The following PASK variants were observed in gnomAD, a reference collection of about 807,000 sequenced individuals.
PASK encodes the protein PAS domain-containing serine/threonine-protein kinase.
A neutral mutation model predicts 121.0 loss-of-function variants in PASK; 110 were observed. The observed-to-expected ratio is 0.91, with a 90% CI of 0.78 to 1.06. The LOEUF is 1.06. Among genes scored for constraint, PASK ranks in the 50% least tolerant of loss-of-function variants. PASK has a pLI of 0.00. For synonymous variants in PASK, 686 were observed against 717.8 expected (o/e 0.96, Z 0.71); for missense variants, 1,643 against 1,702.3 (o/e 0.97, Z 0.61).
rs756002399 is a variant in PASK at position 241,106,735 on chromosome 2, A to G, written c.3815-12T>C. ...CAGAACTCCACTTTCTGAAGAAACA[A>G]GAAGGTAACTGTATCACGTGCTAAC... is the stretch of plus-strand genomic sequence containing the variant. On this transcript the variant is annotated splice_polypyrimidine_tract_variant and intron_variant, in intron 17 of 17. Transcript: ENST00000234040. 6 of 1,613,710 alleles carry G rather than the reference A, an allele frequency of 3.7e-6. No individual in the cohort carries two copies. The highest frequency in any genetic ancestry group is 4.5e-5 in the East Asian group (2 of 44,894).
intron 2 of PASK, chr2:241,140,972 A>C (rs575098404): frequency 4.4e-5 from 26 of 593,974 alleles, no homozygotes; most frequent in Admixed American, 3.4e-4. Flanking sequence ...CACAAACAGC[A>C]TAAGATCAAC....
chr2:241,110,750 C>G (rs1559354666), intron 15 of PASK, among the ~76,000 whole-genome samples: 1 of 152,180 alleles, frequency 6.6e-6, no homozygotes, highest in Non-Finnish European at 1.5e-5. Flanking sequence ...GCAGTTCCCT[C>G]CAGCACGGAG....
intron 1 of PASK, among the ~76,000 whole-genome samples, chr2:241,144,970 G>A (rs1032569088): frequency 2.6e-5 from 4 of 152,126 alleles, no homozygotes; most frequent in African/African-American, 9.7e-5. Flanking sequence ...GTGGAGTGCA[G>A]TGGCGCGACT....
intron 16 of PASK, among the ~76,000 whole-genome samples, 200 bp from the exon 17 acceptor site, chr2:241,107,699 T>C (rs1332001794): frequency 1.3e-5 from 2 of 152,006 alleles, no homozygotes; most frequent in African/African-American, 4.8e-5. Context: ...AAGCTTGGAG[T>C]TCAAGATGCC....
intron 9 of PASK, among the ~76,000 whole-genome samples, chr2:241,132,254 G>A (rs1407765492): frequency 1.3e-5 from 2 of 151,890 alleles, no homozygotes; most frequent in African/African-American, 2.4e-5. Context: ...ATATGACTTT[G>A]AAAATGATAA....
intron 9 of PASK, among the ~76,000 whole-genome samples, chr2:241,132,554 A>AAG (rs2066212077): frequency 6.8e-6 from 1 of 146,228 alleles, no homozygotes; most frequent in Non-Finnish European, 1.5e-5. Flanking sequence ...AAAAAAAAAA[A>AAG]GAAAATGATA....
chr2:241,108,602 T>G lies in PASK; in HGVS notation c.3534-302A>C. The G allele has an allele frequency of 2.2e-6, 1 of 453,358 alleles. No homozygotes were observed. Among genetic ancestry groups the G allele is most frequent in the Non-Finnish European group, 4.1e-6 (1 of 243,788 alleles). 28.1% of individuals were successfully genotyped at this position (453,358 alleles called of 1,614,324 possible). On this transcript the variant is annotated intron_variant, in intron 15 of 17. Coordinates refer to ENST00000234040, the MANE Select transcript of PASK (RefSeq NM_015148.4). The surrounding 1 kb of genome is among the most constrained non-coding windows in gnomAD (Gnocchi z 5.2). ...CCAGAGGGGGGAGCGGGGGGAGGGC[T>G]TCCTGGAGGAAGCAGAGTACACGTC...
chr2:241,120,264 G>A (rs188518311), intron 12 of PASK, among the ~76,000 whole-genome samples: 46 of 152,212 alleles, frequency 3.0e-4, no homozygotes, highest in Middle Eastern at 6.8e-3. Context: ...AGGCTAAGGC[G>A]GGTAGATAAC....
rs2125448568 is a variant in PASK at position 241,138,101 on chromosome 2, C to CCCG, written c.742-17_742-15dup. The CCCG allele has an allele frequency of 1.2e-6, 2 of 1,613,712 alleles. No individual in the cohort carries two copies. Among genetic ancestry groups the CCCG allele is most frequent in the Non-Finnish European group, 1.7e-6 (2 of 1,179,778 alleles). On this transcript the variant is annotated splice_polypyrimidine_tract_variant and intron_variant, in intron 5 of 17. Coordinates refer to ENST00000234040, the MANE Select transcript of PASK (RefSeq NM_015148.4). The stretch of plus-strand genomic sequence containing the variant: ...CGTGACGGTGCCCTGGAGGAAAAGC[C>CCCG]CCGTGCTTATCATAAAAGCTTCTTG...
rs761471257 is a variant in PASK at position 241,140,514 on chromosome 2, C to A, written c.429+7G>T. 1 of 1,583,512 alleles carries A rather than the reference C, an allele frequency of 6.3e-7. No individual in the cohort carries two copies. Among genetic ancestry groups the A allele is most frequent in the Non-Finnish European group, 8.7e-7 (1 of 1,154,256 alleles). On this transcript the variant is annotated splice_region_variant and intron_variant, in intron 3 of 17. Coordinates refer to ENST00000234040, the MANE Select transcript of PASK (RefSeq NM_015148.4). Reference sequence around the variant, plus strand: ...TACACAGCTGGATCTAAAAGAGAAGCAAATACCTCTGTGGTCTTGGCATCC... The same window carrying A: ...TACACAGCTGGATCTAAAAGAGAAGAAAATACCTCTGTGGTCTTGGCATCC...
chr2:241,121,209 T>C (rs2065593057), intron 12 of PASK, among the ~76,000 whole-genome samples: 1 of 152,234 alleles, frequency 6.6e-6, no homozygotes, highest in Non-Finnish European at 1.5e-5. Flanking sequence ...TGCGACTGAC[T>C]ACTGATGGGT....
At chr2:241,139,591 CA>C (rs2066605779) in intron 4 of PASK, 1 of 647,716 alleles carries the variant, frequency 1.5e-6, no homozygotes, top group Non-Finnish European at 2.9e-6. Context: ...GACTGCAAAA[CA>C]TTAGTGAAGC....
In PASK at chr2:241,129,712, G is replaced by GC. The variant is rs527540789; in HGVS notation, c.1464-2262dup. Among the ~76,000 whole-genome samples the GC allele has an allele frequency of 7.2e-5, 11 of 152,344 alleles. 1 individual carries two copies. In the South Asian group the frequency reaches 8.3e-4, roughly 11 times the overall value. On this transcript the variant is annotated intron_variant, in intron 9 of 17. Transcript: ENST00000234040. ...AGGACATCCTCCAGCTGCCCTGGCA[G>GC]CCAGGCATCGCCACGCCACTCAGTT...
chr2:241,108,310 G>A lies in PASK; in HGVS notation c.3534-10C>T. 1 of 1,613,910 alleles carries A rather than the reference G, an allele frequency of 6.2e-7. No homozygotes were observed. Among genetic ancestry groups the A allele is most frequent in the Non-Finnish European group, 8.5e-7 (1 of 1,179,910 alleles). On this transcript the variant is annotated splice_polypyrimidine_tract_variant and intron_variant, in intron 15 of 17. Coordinates refer to ENST00000234040, the MANE Select transcript of PASK (RefSeq NM_015148.4). The surrounding 1 kb of genome is among the most constrained non-coding windows in gnomAD (Gnocchi z 5.2). ...CTCCGGCCCTCTGTAGCTGTGAGGA[G>A]GAGGAGGCATCAGGACGCCACGGCA...
At chr2:241,116,308 C>T (rs565071668) in intron 12 of PASK, among the ~76,000 whole-genome samples, 1 of 152,350 alleles carries the variant, frequency 6.6e-6, no homozygotes, top group East Asian at 1.9e-4. Context: ...CACAAGGAAG[C>T]ACAGAAGGGG....
chr2:241,134,605 G>A (rs1325724018), intron 8 of PASK: 3 of 152,196 alleles, frequency 2.0e-5, no homozygotes, highest in African/African-American at 7.2e-5. Context: ...GTTTTTCTCA[G>A]TGACTGTATT....
chr2:241,126,019 A>G (rs1037965202), intron 10 of PASK, among the ~76,000 whole-genome samples, 177 bp downstream of exon 10: 3 of 152,214 alleles, frequency 2.0e-5, no homozygotes, highest in Non-Finnish European at 2.9e-5. Context: ...AGGCACACAC[A>G]TTCGTAATCT....
Position 241,108,059 on chromosome 2 carries a change from G to T in PASK, c.3667+108C>A. On this transcript the variant is annotated intron_variant, in intron 16 of 17. Coordinates refer to ENST00000234040, the MANE Select transcript of PASK (RefSeq NM_015148.4). The surrounding 1 kb of genome is among the most constrained non-coding windows in gnomAD (Gnocchi z 5.2). The stretch of plus-strand genomic sequence containing the variant: ...TGATGAATAGAAAAGAAACAAATGA[G>T]ACTGTTGATATGGACAGAGATACAC... The T allele has an allele frequency of 9.9e-7, 1 of 1,014,664 alleles. No individual in the cohort carries two copies. The allele number at this position is 1,014,664 out of a possible 1,614,324, so 62.9% of individuals were successfully genotyped here. A position where few individuals can be genotyped will look rare whatever the true frequency, so the allele number is the denominator to read the frequency against.
chr2:241,142,311 A>G (rs1335599706), intron 2 of PASK, among the ~76,000 whole-genome samples: 3 of 152,118 alleles, frequency 2.0e-5, no homozygotes, highest in Non-Finnish European at 4.4e-5. Flanking sequence ...AAGTGCCTCC[A>G]TCAGACAGCC....
Sources: gnomAD v4.1 joint callset for allele counts (sites outside exome capture counted in the v4.1 genomes callset) on GRCh38, gnomAD v4.1.1 for gene constraint, Gnocchi (gnomAD v3.1) non-coding constraint, MANE v1.5 for transcripts, NCBI Gene and HGNC (gene_info 2026-07-23, HGNC 2026-07-21) for gene names.